HECTD2: variants seen among roughly 807,000 people sequenced by gnomAD.
The protein encoded by HECTD2 is HECT domain E3 ubiquitin protein ligase 2.
In HECTD2, 35 loss-of-function variants were observed where a neutral mutation model predicts 103.2. The ratio of observed to expected loss-of-function variants is 0.34; its 90% confidence interval spans 0.26 to 0.45. HECTD2 has a LOEUF of 0.45. Ranked by LOEUF, HECTD2 falls within the 20% of genes least tolerant of loss-of-function variation. HECTD2 has a pLI of 1.00. For synonymous variants in HECTD2, 281 were observed against 329.9 expected (o/e 0.85, Z 1.61); for missense variants, 596 against 937.4 (o/e 0.64, Z 4.76).
In HECTD2 at chr10:91,512,533, A is replaced by C; in HGVS notation, c.*149A>C. The C allele has an allele frequency of 1.4e-6, 1 of 730,104 alleles. No individual in the cohort carries two copies. Among genetic ancestry groups the C allele is most frequent in the Non-Finnish European group, 2.1e-6 (1 of 468,096 alleles). 45.2% of individuals were successfully genotyped at this position (730,104 alleles called of 1,614,324 possible). A position where few individuals can be genotyped will look rare whatever the true frequency, so the allele number is the denominator to read the frequency against. On this transcript the variant is annotated 3_prime_UTR_variant, in exon 21 of 21. Transcript: ENST00000298068. Reference sequence around the variant, plus strand: ...GTTTTTAAAAAATCAAATATGAAGTATGTTCAGCAAAGGCATAATTTTCTA... The same window carrying C: ...GTTTTTAAAAAATCAAATATGAAGTCTGTTCAGCAAAGGCATAATTTTCTA...
At chr10:91,426,913 A>C (rs1404922541) in intron 2 of HECTD2, among the ~76,000 whole-genome samples, 1 of 151,168 alleles carries the variant, frequency 6.6e-6, no homozygotes, top group East Asian at 2.0e-4. Context: ...GGTTAGTTAC[A>C]TATGTATACA....
At chr10:91,499,940 A>G (rs1480183023) in intron 18 of HECTD2, among the ~76,000 whole-genome samples, 1 of 152,224 alleles carries the variant, frequency 6.6e-6, no homozygotes, top group Non-Finnish European at 1.5e-5. Context: ...GAAACACTTT[A>G]TTGAGCTCTA....
chr10:91,466,353 CA>C (rs1006414891), intron 5 of HECTD2, among the ~76,000 whole-genome samples: 2 of 150,872 alleles, frequency 1.3e-5, no homozygotes, highest in Non-Finnish European at 3.0e-5. Context: ...TTGTTCTCTT[CA>C]AAAAAAAATC....
At chr10:91,416,357 G>A (rs1442888474) in intron 1 of HECTD2, among the ~76,000 whole-genome samples, 4 of 152,180 alleles carry the variant, frequency 2.6e-5, no homozygotes, top group South Asian at 2.1e-4. Context: ...TATTAAAGTC[G>A]TGTGTCACAT....
intron 1 of HECTD2, among the ~76,000 whole-genome samples, chr10:91,414,863 T>C (rs1327552161): frequency 6.6e-6 from 1 of 152,148 alleles, no homozygotes; most frequent in East Asian, 1.9e-4. Flanking sequence ...GCCAGATCAC[T>C]AGGCAGAAAA....
intron 20 of HECTD2, among the ~76,000 whole-genome samples, chr10:91,505,108 AG>A (rs1487961304): frequency 6.6e-6 from 1 of 152,052 alleles, no homozygotes; most frequent in Non-Finnish European, 1.5e-5. Context: ...GCCCTAAAAG[AG>A]CTCCTGAAGG....
rs184276668 is a variant in HECTD2, at chr10:91,466,841, C to T, written c.600+4657C>T. ...TAAGAAGAAATGAGATACCAAGTCA[C>T]AAAAAGACATGGAGAAACCTTAAAT... On this transcript the variant is annotated intron_variant, in intron 5 of 20. Coordinates refer to ENST00000298068, the MANE Select transcript of HECTD2 (RefSeq NM_182765.6). Among the ~76,000 whole-genome samples, 455 of 152,094 alleles carry T rather than the reference C, an allele frequency of 3.0e-3. 2 individuals carry two copies. Among genetic ancestry groups the T allele is most frequent in the Non-Finnish European group, 5.0e-3 (342 of 67,992 alleles).
intron 2 of HECTD2, among the ~76,000 whole-genome samples, chr10:91,455,654 A>G (rs1295139944): frequency 5.9e-5 from 9 of 152,240 alleles, no homozygotes; most frequent in African/African-American, 1.9e-4. Context: ...GCCCATGCCT[A>G]TGTCCTGAAT....
At chr10:91,483,657 T>C (rs1214396520) in intron 8 of HECTD2, among the ~76,000 whole-genome samples, 1 of 151,968 alleles carries the variant, frequency 6.6e-6, no homozygotes, top group African/African-American at 2.4e-5. Flanking sequence ...TTATTCATAG[T>C]AGTTATATTC....
At chr10:91,477,304 A>C (rs536926410) in intron 5 of HECTD2, among the ~76,000 whole-genome samples, 1 of 152,358 alleles carries the variant, frequency 6.6e-6, no homozygotes, top group African/African-American at 2.4e-5. Context: ...GAAGGTTTGA[A>C]ATATAGTTGT....
At chr10:91,489,529 T>C (rs1846389809) in intron 11 of HECTD2, 1 of 152,220 alleles carries the variant, frequency 6.6e-6, no homozygotes, top group Admixed American at 6.5e-5. Context: ...TATGAATTCC[T>C]GATGGGAGGA....
At chr10:91,462,397 CT>C (rs35518057) in intron 5 of HECTD2, 2 of 1,191,130 alleles carry the variant, frequency 1.7e-6, no homozygotes, top group Non-Finnish European at 1.1e-6. Flanking sequence ...ATATCCAATC[CT>C]TTTTTAGAAA....
chr10:91,501,127 A>G (rs2133352050), intron 19 of HECTD2, 64 bp from the exon 20 acceptor site: 3 of 1,385,088 alleles, frequency 2.2e-6, no homozygotes, highest in Non-Finnish European at 2.0e-6. Flanking sequence ...AGCTTCCTTT[A>G]TATTACTTTA....
intron 8 of HECTD2, 109 bp from the exon 9 acceptor site, chr10:91,484,398 G>T: frequency 1.4e-6 from 2 of 1,442,532 alleles, no homozygotes; most frequent in South Asian, 1.2e-5. Flanking sequence ...TAGAATTTGG[G>T]GGAATAGTCT....
chr10:91,499,285 AAAC>A (rs1846799800), intron 18 of HECTD2, 135 bp downstream of exon 18: 1 of 576,376 alleles, frequency 1.7e-6, no homozygotes, highest in African/African-American at 1.9e-5. Flanking sequence ...GTAGAACTAA[AAAC>A]AAAAATAGTT....
chr10:91,464,903 A>G (rs1018010520), intron 5 of HECTD2, among the ~76,000 whole-genome samples: 11 of 152,256 alleles, frequency 7.2e-5, no homozygotes, highest in Non-Finnish European at 1.6e-4. Context: ...TATGAGGGAA[A>G]AAACCCTAAA....
intron 4 of HECTD2, 22 bp from the exon 5 acceptor site, chr10:91,462,073 A>G (rs564373172): frequency 4.4e-5 from 67 of 1,516,672 alleles, no homozygotes; most frequent in Non-Finnish European, 6.0e-5. Flanking sequence ...GAATATACTT[A>G]ATTCTTAAAT....
intron 2 of HECTD2, among the ~76,000 whole-genome samples, chr10:91,430,529 T>A (rs1205014674): frequency 5.3e-5 from 8 of 152,162 alleles, no homozygotes; most frequent in Non-Finnish European, 1.2e-4. Flanking sequence ...TCTTTGTAGG[T>A]CACTCAGGAC....
In HECTD2 at chr10:91,437,265, G is replaced by T. The variant is rs947663454; in HGVS notation, c.268+11855G>T. ...TACTGAGAGCTGGAATCACCTGAAG[G>T]CTTGATCATTCCCATGCCTGATGAT... On this transcript the variant is annotated intron_variant, in intron 2 of 20. Transcript: ENST00000298068. Among the ~76,000 whole-genome samples, 8 of 152,084 alleles carry T rather than the reference G, an allele frequency of 5.3e-5. No individual in the cohort carries two copies. In the South Asian group the frequency reaches 6.2e-4, roughly 12 times the overall value.
Sources: gnomAD v4.1 joint callset for allele counts (sites outside exome capture counted in the v4.1 genomes callset) on GRCh38, gnomAD v4.1.1 for gene constraint, MANE v1.5 for transcripts, NCBI Gene and HGNC (gene_info 2026-07-23, HGNC 2026-07-21) for gene names.